The following RYR1 variants were observed in gnomAD, a reference collection of about 807,000 sequenced individuals.
RYR1 encodes the protein ryanodine receptor 1.
In RYR1, 342 loss-of-function variants were observed where a neutral mutation model predicts 583.5. The ratio of observed to expected loss-of-function variants is 0.59; its 90% CI spans 0.54 to 0.64. The LOEUF (loss-of-function observed/expected upper bound fraction) is 0.64, where lower values mean the gene tolerates loss of function less well. Ranked by LOEUF, RYR1 falls within the 30% of genes least tolerant of loss-of-function variation. RYR1 has a pLI of 0.00. For missense variants in RYR1, 6,032 were observed against 6,917.2 expected (o/e 0.87, Z 4.54); for synonymous variants, 2,791 against 2,822.5 (o/e 0.99, Z 0.35).
At chr19:38,559,520 C>T (rs922301073) in intron 89 of RYR1, among the ~76,000 whole-genome samples, 4 of 152,030 alleles carry the variant, frequency 2.6e-5, no homozygotes, top group Admixed American at 6.6e-5. Context: ...AGGCATGAGC[C>T]ACCACACCTG....
At chr19:38,574,171 A>G (rs1346769973) in intron 96 of RYR1, among the ~76,000 whole-genome samples, 4 of 151,472 alleles carry the variant, frequency 2.6e-5, no homozygotes, top group African/African-American at 9.7e-5. Flanking sequence ...GAGGCATGAG[A>G]ATCACTTAAA....
At chr19:38,522,993 C>A in intron 67 of RYR1, 35 bp from the exon 68 acceptor site, 1 of 1,535,672 alleles carries the variant, frequency 6.5e-7, no homozygotes, top group South Asian at 1.2e-5. Context: ...CTGGGATCCC[C>A]ACCCCCTCCC....
At chr19:38,503,104 G>A (rs931375877) in intron 49 of RYR1, 134 bp downstream of exon 49, 13 of 833,220 alleles carry the variant, frequency 1.6e-5, no homozygotes, top group Non-Finnish European at 2.4e-5. Flanking sequence ...CAGCGTCCCC[G>A]TAGAAATCTC....
At position 38,469,061 on chromosome 19, in the gene RYR1, T is replaced by G. The variant is rs1345201599; in HGVS notation, c.3477T>G (p.Ile1159Met). ...TGATCGACCTCACAGAGAACACCAT[T>G]ATCTTCACCCTCAATGGCGAGGTCC... The part of the protein sequence containing the change: ...GCMIDLTENT[I>M]IFTLNGEVLM... The change falls in exon 26 of 106, where the codon ATT becomes ATG. Residue 1159 changes from isoleucine to methionine, a missense_variant. This residue lies in a region of RYR1 where 2,627 missense variants were observed against 2,961.3 expected (regional missense o/e 0.89). Coordinates refer to ENST00000359596, the MANE Select transcript of RYR1 (RefSeq NM_000540.3). The G allele has an allele frequency of 1.9e-6, 3 of 1,614,034 alleles. No homozygotes were observed. Among genetic ancestry groups the G allele is most frequent in the Admixed American group, 3.3e-5 (2 of 59,990 alleles).
chr19:38,505,400 T>C lies in RYR1; in HGVS notation c.8400+2T>C. On this transcript the variant is annotated splice_donor_variant, in intron 53 of 105. Coordinates refer to ENST00000359596, the MANE Select transcript of RYR1 (RefSeq NM_000540.3). LOFTEE classifies it high-confidence loss of function. ...CCCTACAAGACCTTTTCAGAGAAGG[T>C]GACCAGGCCTTGGGGCCCAGCATTG... The C allele has an allele frequency of 6.2e-7, 1 of 1,602,858 alleles. No individual in the cohort carries two copies. Among genetic ancestry groups the C allele is most frequent in the Non-Finnish European group, 8.5e-7 (1 of 1,172,708 alleles).
intron 100 of RYR1, 95 bp downstream of exon 100, chr19:38,580,223 G>T: frequency 6.2e-7 from 1 of 1,601,036 alleles, no homozygotes; most frequent in Non-Finnish European, 8.5e-7. Context: ...GGGCTGAGGA[G>T]GGGCAAGGCC....
chr19:38,553,349 A>C (rs182056580), intron 89 of RYR1, among the ~76,000 whole-genome samples: 103 of 151,514 alleles, frequency 6.8e-4, no homozygotes, highest in African/African-American at 2.4e-3. Context: ...AAAAAAAAAA[A>C]AAAATCAAAA....
In RYR1 at chr19:38,502,675, C is replaced by T. The variant is rs1320706811; in HGVS notation, c.7783C>T (p.Leu2595Phe). 2.5e-6 allele frequency: 4 copies of T among 1,610,062 alleles called. No homozygotes were observed. Among genetic ancestry groups the T allele is most frequent in the African/African-American group, 1.3e-5 (1 of 74,674 alleles). Residue 2595 changes from leucine to phenylalanine, a missense_variant, in exon 48 of 106, where the codon CTC becomes TTC. Leu to Phe is a conservative substitution (Grantham distance 22). Coordinates refer to ENST00000359596, the MANE Select transcript of RYR1 (RefSeq NM_000540.3). ...GTACCGCCTGTCTCGGGGTCGTTCG[C>T]TCACCAAGGCGCAGCGTGACGTCAT... ...TVYRLSRGRS[L>F]TKAQRDVIED...
intron 87 of RYR1, among the ~76,000 whole-genome samples, chr19:38,545,118 AC>A (rs1439522775): frequency 6.6e-6 from 1 of 152,072 alleles, no homozygotes; most frequent in African/African-American, 2.4e-5. Flanking sequence ...CTATTGGGTC[AC>A]ATGTCCCTCC....
At position 38,512,594 on chromosome 19, in the gene RYR1, T is replaced by A; in HGVS notation, c.9472+111T>A. The A allele has an allele frequency of 1.9e-6, 2 of 1,055,828 alleles. No homozygotes were observed. The highest frequency in any genetic ancestry group is 2.9e-6 in the Non-Finnish European group (2 of 690,788). 65.4% of individuals were successfully genotyped at this position (1,055,828 alleles called of 1,614,324 possible). ...GTTTGAATGTGTGGATTTCTTGCTG[T>A]AAGCAAAGCATGCAGTCAGTACCTT... is the stretch of plus-strand genomic sequence containing the variant. On this transcript the variant is annotated intron_variant, in intron 63 of 105. Coordinates refer to ENST00000359596, the MANE Select transcript of RYR1 (RefSeq NM_000540.3). The surrounding 1 kb of genome is among the most constrained non-coding windows in gnomAD (Gnocchi z 5.1).
intron 9 of RYR1, among the ~76,000 whole-genome samples, chr19:38,448,112 G>A (rs951052187): frequency 2.0e-5 from 3 of 151,758 alleles, no homozygotes; most frequent in Admixed American, 1.3e-4. Context: ...AAGAGGGTTC[G>A]GGGCTTGAGG....
chr19:38,499,087 C>G lies in RYR1; in HGVS notation c.6892-21C>G, dbSNP rs995694510. On this transcript the variant is annotated intron_variant, in intron 42 of 105. Coordinates refer to ENST00000359596, the MANE Select transcript of RYR1 (RefSeq NM_000540.3). This position sits in a 1 kb window ranked among gnomAD's most constrained non-coding sequence, Gnocchi z 7.3. ...AAGGTGGCATGGGTCTGGTCTCTGA[C>G]TGAGCCCCTTCTGCCCCCAGGTTGT... 6.2e-7 allele frequency: 1 copy of G among 1,613,542 alleles called. No homozygotes were observed. The highest frequency in any genetic ancestry group is 1.1e-5 in the South Asian group (1 of 91,036).
At chr19:38,557,948 C>T (rs1599618925) in intron 89 of RYR1, among the ~76,000 whole-genome samples, 1 of 151,794 alleles carries the variant, frequency 6.6e-6, no homozygotes, top group African/African-American at 2.4e-5. Context: ...CCACTGCACT[C>T]CAGCATGGGC....
At position 38,483,007 on chromosome 19, in the gene RYR1, G is replaced by A. The variant is rs372635858; in HGVS notation, c.4621-20G>A. 46 of 1,609,986 alleles carry A rather than the reference G, an allele frequency of 2.9e-5. 1 individual carries two copies. In the South Asian group the frequency reaches 4.0e-4, roughly 14 times the overall value. On this transcript the variant is annotated intron_variant, in intron 31 of 105. Coordinates refer to ENST00000359596, the MANE Select transcript of RYR1 (RefSeq NM_000540.3). The surrounding 1 kb of genome is among the most constrained non-coding windows in gnomAD (Gnocchi z 6.3). Reference sequence around the variant, plus strand: ...TCCAGCCCACCCGTTTGCTCACCTCGTCCTCTTCTCCTCTGCCAGGTGGAA... The same window carrying A: ...TCCAGCCCACCCGTTTGCTCACCTCATCCTCTTCTCCTCTGCCAGGTGGAA...
At chr19:38,501,861 C>T (rs1232440567) in intron 47 of RYR1, among the ~76,000 whole-genome samples, 1 of 152,108 alleles carries the variant, frequency 6.6e-6, no homozygotes, top group Non-Finnish European at 1.5e-5. Context: ...TGCTGCACAC[C>T]TGTAGTCCCC....
Position 38,561,584 on chromosome 19 carries a change from C to A in RYR1, c.12624+130C>A. 1.1e-6 allele frequency: 1 copy of A among 885,972 alleles called. No homozygotes were observed. Among genetic ancestry groups the A allele is most frequent in the Non-Finnish European group, 1.7e-6 (1 of 584,774 alleles). The allele number at this position is 885,972 out of a possible 1,614,324, so 54.9% of individuals were successfully genotyped here. On this transcript the variant is annotated intron_variant, in intron 90 of 105. Coordinates refer to ENST00000359596, the MANE Select transcript of RYR1 (RefSeq NM_000540.3). The surrounding 1 kb of genome is among the most constrained non-coding windows in gnomAD (Gnocchi z 4.8). ...TATCTGCCCTGCTCCGGCAAGCCCACGCCCACCCTTTTGTACACATTTCGT... is the reference window on the plus strand; with the variant it reads ...TATCTGCCCTGCTCCGGCAAGCCCAAGCCCACCCTTTTGTACACATTTCGT...
intron 11 of RYR1, among the ~76,000 whole-genome samples, chr19:38,449,801 G>A (rs1966983688): frequency 6.6e-6 from 1 of 152,226 alleles, no homozygotes; most frequent in Admixed American, 6.5e-5. Context: ...AACAGGGTGA[G>A]CAGGCTGGAG....
At chr19:38,494,877 G>C (rs1390086739) in intron 39 of RYR1, among the ~76,000 whole-genome samples, 1 of 119,700 alleles carries the variant, frequency 8.4e-6, no homozygotes, top group African/African-American at 3.4e-5. Context: ...TTGTGAGACT[G>C]AGTCTCACTC....
chr19:38,444,301 C>A lies in RYR1; in HGVS notation c.537+40C>A. The A allele has an allele frequency of 6.8e-7, 1 of 1,476,844 alleles. No homozygotes were observed. The highest frequency in any genetic ancestry group is 1.2e-5 in the South Asian group (1 of 86,832). 91.5% of individuals were successfully genotyped at this position (1,476,844 alleles called of 1,614,324 possible). A position where few individuals can be genotyped will look rare whatever the true frequency, so the allele number is the denominator to read the frequency against. On this transcript the variant is annotated intron_variant, in intron 6 of 105. Coordinates refer to ENST00000359596, the MANE Select transcript of RYR1 (RefSeq NM_000540.3). The surrounding 1 kb of genome is among the most constrained non-coding windows in gnomAD (Gnocchi z 5.1). ...TTCCTCCTGCTCCCAGGTCTGGGGG[C>A]GCATGGGATGGTCCCCATCTTCTCA... is the stretch of plus-strand genomic sequence containing the variant.
Sources: gnomAD v4.1 joint callset for allele counts (sites outside exome capture counted in the v4.1 genomes callset) on GRCh38, gnomAD v4.1.1 for gene constraint, gnomAD v4.1.1 regional missense constraint, Gnocchi (gnomAD v3.1) non-coding constraint, MANE v1.5 for transcripts, NCBI Gene and HGNC (gene_info 2026-07-23, HGNC 2026-07-21) for gene names.